The following CIAPIN1 variants were observed in gnomAD, a reference collection of about 807,000 sequenced individuals.
CIAPIN1 encodes anamorsin.
CIAPIN1 carries 18 observed loss-of-function variants against 34.3 expected under a neutral mutation model. That is an observed-to-expected ratio of 0.52 (90% confidence interval 0.36 to 0.78). The LOEUF is 0.78. Ranked by LOEUF, CIAPIN1 falls within the 30% of genes least tolerant of loss-of-function variation. CIAPIN1 has a pLI of 0.00. For synonymous variants in CIAPIN1, 131 were observed against 140.4 expected (o/e 0.93, Z 0.47); for missense variants, 310 against 372.5 (o/e 0.83, Z 1.38).
intron 1 of CIAPIN1, among the ~76,000 whole-genome samples, chr16:57,446,439 G>A (rs2030074855): frequency 6.6e-6 from 1 of 152,222 alleles, no homozygotes; most frequent in Middle Eastern, 3.4e-3. Context: ...TTTGACAAGG[G>A]GTGTGCAAAG....
intron 1 of CIAPIN1, among the ~76,000 whole-genome samples, chr16:57,446,343 A>G (rs2030069173): frequency 6.6e-6 from 1 of 152,108 alleles, no homozygotes; most frequent in Non-Finnish European, 1.5e-5. Context: ...ATGGATCTAA[A>G]ATTTTAACCT....
rs377037431 is a variant in CIAPIN1, at chr16:57,430,369, G to C, written c.747-30C>G. On this transcript the variant is annotated intron_variant, in intron 7 of 8. Transcript: ENST00000394391. ...GGGAAAATCAGTAACTAATGAACGA[G>C]AATTGTCACCACCCAGAAATCCCAA... 2.2e-5 allele frequency: 35 copies of C among 1,606,290 alleles called. No individual in the cohort carries two copies. In the African/African-American group the frequency reaches 2.5e-4, roughly 12 times the overall value.
At chr16:57,442,209 G>A (rs1405257772) in intron 1 of CIAPIN1, among the ~76,000 whole-genome samples, 1 of 152,064 alleles carries the variant, frequency 6.6e-6, no homozygotes, top group Non-Finnish European at 1.5e-5. Context: ...AGCTGGGTGT[G>A]GTGGTGCATG....
At chr16:57,438,774 T>G (rs1217056039) in intron 3 of CIAPIN1, among the ~76,000 whole-genome samples, 2 of 152,232 alleles carry the variant, frequency 1.3e-5, no homozygotes, top group African/African-American at 4.8e-5. Flanking sequence ...ATTTTGTTAT[T>G]TCGAGCATAT....
chr16:57,445,231 G>C (rs2030006199), intron 1 of CIAPIN1, among the ~76,000 whole-genome samples: 1 of 152,164 alleles, frequency 6.6e-6, no homozygotes, highest in African/African-American at 2.4e-5. Flanking sequence ...AACTGGGCTG[G>C]GTGCAGTGAC....
intron 1 of CIAPIN1, among the ~76,000 whole-genome samples, chr16:57,442,336 C>G (rs1343913454): frequency 6.6e-6 from 1 of 152,010 alleles, no homozygotes; most frequent in African/African-American, 2.4e-5. Flanking sequence ...CAGAGCGAGA[C>G]TCCGTCTCAA....
At chr16:57,435,726 G>A (rs1471019384) in intron 4 of CIAPIN1, among the ~76,000 whole-genome samples, 1 of 152,120 alleles carries the variant, frequency 6.6e-6, no homozygotes, top group Non-Finnish European at 1.5e-5. Context: ...CCCAGGAGGC[G>A]GATGATGCAG....
chr16:57,440,299 T>G (rs553657268), intron 2 of CIAPIN1, among the ~76,000 whole-genome samples: 2 of 152,284 alleles, frequency 1.3e-5, no homozygotes, highest in South Asian at 4.1e-4. Context: ...TGCCCGAAAC[T>G]TTATTAGCAA....
chr16:57,447,286 C>G (rs922874931), intron 1 of CIAPIN1, 56 bp downstream of exon 1: 2 of 397,488 alleles, frequency 5.0e-6, no homozygotes, highest in African/African-American at 2.1e-5. Context: ...CGAGGGTGGG[C>G]CGGGAGGGGA....
rs571179228 is a variant in CIAPIN1, at chr16:57,436,218, T to G, written c.387+438A>C. Among the ~76,000 whole-genome samples the G allele has an allele frequency of 6.6e-5, 10 of 151,718 alleles. No individual in the cohort carries two copies. The East Asian group carries it at 2.0e-3, about 30-fold the overall frequency. On this transcript the variant is annotated intron_variant, in intron 4 of 8. Coordinates refer to ENST00000394391, the MANE Select transcript of CIAPIN1 (RefSeq NM_020313.4). The stretch of plus-strand genomic sequence containing the variant: ...CTTTGAAGTTGGTTATTCTCAAAAG[T>G]TTTTTTTTGTTTTGTTTTGTTTTTT...
intron 3 of CIAPIN1, among the ~76,000 whole-genome samples, chr16:57,437,959 G>C (rs1783107391): frequency 6.6e-6 from 1 of 152,122 alleles, no homozygotes; most frequent in Non-Finnish European, 1.5e-5. Flanking sequence ...TCCAGAGGTT[G>C]TGAGATAATG....
chr16:57,443,089 A>G (rs1439705108), intron 1 of CIAPIN1, among the ~76,000 whole-genome samples: 1 of 151,486 alleles, frequency 6.6e-6, no homozygotes, highest in South Asian at 2.1e-4. Flanking sequence ...AATGGAAAAA[A>G]AAAAAGAAAA....
At chr16:57,429,852 T>C (rs1425110752) in intron 8 of CIAPIN1, among the ~76,000 whole-genome samples, 2 of 151,316 alleles carry the variant, frequency 1.3e-5, no homozygotes, top group Non-Finnish European at 2.9e-5. Context: ...AGTGGTGCGA[T>C]CTCAGCTCAC....
In CIAPIN1 at chr16:57,430,339, G is replaced by A; in HGVS notation, c.747C>T (p.Cys249=). The change falls in exon 8 of 9, where the codon TGC becomes TGT. Residue 249 remains cysteine, a splice_region_variant and synonymous_variant. Coordinates refer to ENST00000394391, the MANE Select transcript of CIAPIN1 (RefSeq NM_020313.4). ...EGKKRKACKN[C]TCGLAEELEK... ...CCAGTTCTTCGGCAAGGCCACAGGT[G>A]CTGCGGGAAAATCAGTAACTAATGA... is the stretch of plus-strand genomic sequence containing the variant. The A allele has an allele frequency of 6.2e-7, 1 of 1,614,152 alleles. No homozygotes were observed. The highest frequency in any genetic ancestry group is 8.5e-7 in the Non-Finnish European group (1 of 1,179,976).
chr16:57,438,758 G>A (rs529170069), intron 3 of CIAPIN1, among the ~76,000 whole-genome samples: 15 of 152,084 alleles, frequency 9.9e-5, no homozygotes, highest in East Asian at 9.6e-4. Context: ...GATCTCCACC[G>A]CCACAATTTT....
intron 8 of CIAPIN1, among the ~76,000 whole-genome samples, chr16:57,429,739 T>A (rs893413458): frequency 1.3e-5 from 2 of 150,690 alleles, no homozygotes; most frequent in African/African-American, 2.4e-5. Context: ...TGATCCGCCC[T>A]CCTTGGCCTC....
intron 5 of CIAPIN1, among the ~76,000 whole-genome samples, 159 bp from the exon 6 acceptor site, chr16:57,432,719 G>A (rs1214266378): frequency 1.3e-5 from 2 of 152,250 alleles, no homozygotes; most frequent in Non-Finnish European, 2.9e-5. Context: ...TGAGAGGTCT[G>A]ACCTTGGGCC....
intron 2 of CIAPIN1, 35 bp from the exon 3 acceptor site, chr16:57,439,369 G>A: frequency 6.2e-7 from 1 of 1,612,862 alleles, no homozygotes. Context: ...GCAATCTCCT[G>A]AGCCTGGGAT....
At position 57,434,049 on chromosome 16, in the gene CIAPIN1, G is replaced by A. The variant is rs1903146259; in HGVS notation, c.551C>T (p.Pro184Leu). Residue 184 changes from proline to leucine, a missense_variant, in exon 5 of 9, where the codon CCT (proline) becomes CTT (leucine). Physicochemically the swap from Pro to Leu is moderately conservative, Grantham distance 98. Transcript: ENST00000394391. ...TGTCCCTAGGCCAGCCTTACCTGAA[G>A]GAGAAGACTTCTTGGTGATGGAAAG... ...LKLSITKKSS[P>L]SVKPAVDPAA... is the part of the protein sequence containing the mutation. 6.2e-7 allele frequency: 1 copy of A among 1,613,720 alleles called. No individual in the cohort carries two copies. The highest frequency in any genetic ancestry group is 1.1e-5 in the South Asian group (1 of 90,940).
Sources: gnomAD v4.1 joint callset for allele counts (sites outside exome capture counted in the v4.1 genomes callset) on GRCh38, gnomAD v4.1.1 for gene constraint, MANE v1.5 for transcripts, NCBI Gene and HGNC (gene_info 2026-07-23, HGNC 2026-07-21) for gene names.